The following EXOC6 variants were observed in gnomAD, a reference collection of about 807,000 sequenced individuals.
EXOC6 encodes the protein exocyst complex component 6.
In EXOC6, 60 loss-of-function variants were observed where a neutral mutation model predicts 112.5. That is an observed-to-expected ratio of 0.53 (90% CI 0.43 to 0.66). The LOEUF (loss-of-function observed/expected upper bound fraction) is 0.66. Ranked by LOEUF, EXOC6 falls within the 30% of genes least tolerant of loss-of-function variation. The pLI, the probability that EXOC6 is intolerant of heterozygous loss-of-function variation, is 0.00. For synonymous variants in EXOC6, 295 were observed against 308.0 expected (o/e 0.96, Z 0.44); for missense variants, 855 against 957.1 (o/e 0.89, Z 1.41).
chr10:93,010,635 G>A (rs1250913227), intron 19 of EXOC6, among the ~76,000 whole-genome samples: 2 of 149,750 alleles, frequency 1.3e-5, no homozygotes, highest in Middle Eastern at 3.2e-3. Flanking sequence ...GGAGAAGGAG[G>A]TTGTAGTGAG....
chr10:92,946,393 TA>T (rs947674428), intron 13 of EXOC6, among the ~76,000 whole-genome samples: 3,876 of 148,484 alleles, frequency 0.026, 156 homozygotes, highest in African/African-American at 0.09. Flanking sequence ...GACCCTGTCT[TA>T]AAAAAAAAAA....
chr10:92,910,099 A>G lies in EXOC6; in HGVS notation c.663+468A>G, dbSNP rs144290278. On this transcript the variant is annotated intron_variant, in intron 6 of 21. Coordinates refer to ENST00000260762, the MANE Select transcript of EXOC6 (RefSeq NM_019053.6). ...AAAAGCCTCAGCAGTTAGGAAGTCA[A>G]TATATCTACCTTTTGAGTCAGCAGT... Among the ~76,000 whole-genome samples, 494 of 152,364 alleles carry G rather than the reference A, an allele frequency of 3.2e-3. 7 individuals carry two copies. Among genetic ancestry groups the G allele is most frequent in the African/African-American group, 0.011 (466 of 41,588 alleles).
In EXOC6 at chr10:92,835,596, C is replaced by CTG. The variant is rs35929496; in HGVS notation, c.86+789_86+790dup. 7.7e-4 allele frequency among the ~76,000 whole-genome samples: 116 copies of CTG among 150,630 alleles called. 1 individual carries two copies. In the East Asian group the frequency reaches 0.011, roughly 14 times the overall value. On this transcript the variant is annotated intron_variant, in intron 1 of 21. Transcript: ENST00000371552. ...TGGAAGGATATGTGTGTGTGTGTATCTGTGTGTGTGTGTGTGTGACCTCTT... is the reference window on the plus strand; with the variant it reads ...TGGAAGGATATGTGTGTGTGTGTATCTGTGTGTGTGTGTGTGTGTGACCTCTT...
intron 1 of EXOC6, among the ~76,000 whole-genome samples, chr10:92,876,350 C>G (rs930420130): frequency 6.6e-6 from 1 of 152,022 alleles, no homozygotes; most frequent in African/African-American, 2.4e-5. Context: ...TTAATCTTAA[C>G]AAGAAGCAAA....
chr10:93,011,390 G>A (rs1194977993), intron 19 of EXOC6, among the ~76,000 whole-genome samples: 3 of 151,938 alleles, frequency 2.0e-5, no homozygotes, highest in Non-Finnish European at 2.9e-5. Flanking sequence ...CCCAGTAGGT[G>A]GAACTACTAC....
chr10:92,843,105 G>GA (rs1589679509), intron 1 of EXOC6, among the ~76,000 whole-genome samples: 1 of 152,064 alleles, frequency 6.6e-6, no homozygotes, highest in African/African-American at 2.4e-5. Context: ...CCGTATTTTA[G>GA]AAAAAAACTG....
At chr10:93,004,193 TG>T (rs1843879866) in intron 19 of EXOC6, among the ~76,000 whole-genome samples, 2 of 151,964 alleles carry the variant, frequency 1.3e-5, no homozygotes, top group African/African-American at 4.8e-5. Flanking sequence ...ATAAAAAGAG[TG>T]AATGAGTAAA....
At position 92,894,958 on chromosome 10, in the gene EXOC6, G is replaced by A. The variant is rs966664069; in HGVS notation, c.350G>A (p.Arg117Gln). ...EVIVHTEDII[R>Q]CRIQQRNITT... ...ATAGTCCACACAGAAGATATCATTC[G>A]ATGTAGAATTCAGCAGAGAAATATT... is the stretch of plus-strand genomic sequence containing the variant. The change falls in exon 4 of 22, where the codon CGA becomes CAA. Residue 117 changes from arginine (R) to glutamine (Q), a missense_variant. Arg to Gln is a conservative substitution (Grantham distance 43, BLOSUM62 1). Transcript: ENST00000260762. The A allele has an allele frequency of 1.2e-6, 2 of 1,612,402 alleles. No homozygotes were observed. The highest frequency in any genetic ancestry group is 1.1e-5 in the South Asian group (1 of 91,016).
intron 5 of EXOC6, among the ~76,000 whole-genome samples, chr10:92,904,269 G>A (rs1332173710): frequency 1.3e-5 from 2 of 152,072 alleles, no homozygotes; most frequent in African/African-American, 4.8e-5. Context: ...AAACATTTGT[G>A]TGCAGGTTTT....
intron 19 of EXOC6, among the ~76,000 whole-genome samples, chr10:93,012,457 T>C (rs1253184799): frequency 2.0e-5 from 3 of 152,182 alleles, no homozygotes; most frequent in Non-Finnish European, 4.4e-5. Context: ...ACCCAGAGAA[T>C]TACGATACAT....
intron 9 of EXOC6, among the ~76,000 whole-genome samples, chr10:92,930,019 CT>C (rs762204795): frequency 6.6e-6 from 1 of 152,136 alleles, no homozygotes; most frequent in African/African-American, 2.4e-5. Flanking sequence ...CTCTTAGAAA[CT>C]TTATAATTAA....
At chr10:93,036,856 A>T (rs969137487) in intron 20 of EXOC6, among the ~76,000 whole-genome samples, 22 of 152,186 alleles carry the variant, frequency 1.4e-4, no homozygotes, top group Admixed American at 2.6e-4. Context: ...TTACACAAGG[A>T]TTAAATCTTT....
At position 92,915,931 on chromosome 10, in the gene EXOC6, T is replaced by G; in HGVS notation, c.819+18T>G. 1 of 1,484,802 alleles carries G rather than the reference T, an allele frequency of 6.7e-7. No homozygotes were observed. Among genetic ancestry groups the G allele is most frequent in the South Asian group, 1.4e-5 (1 of 71,320 alleles). 92.0% of individuals were successfully genotyped at this position (1,484,802 alleles called of 1,614,324 possible). On this transcript the variant is annotated intron_variant, in intron 7 of 21. Coordinates refer to ENST00000260762, the MANE Select transcript of EXOC6 (RefSeq NM_019053.6). The stretch of plus-strand genomic sequence containing the variant: ...AAGAAGAGGTGATAGGTGTCTTTCT[T>G]TCTTTTCTATTATTAGATAATTTTT...
chr10:92,884,250 T>C (rs1849099622), intron 1 of EXOC6, among the ~76,000 whole-genome samples: 1 of 152,226 alleles, frequency 6.6e-6, no homozygotes, highest in Non-Finnish European at 1.5e-5. Context: ...CACCAAAAGG[T>C]GTCAGTTGAC....
intron 7 of EXOC6, among the ~76,000 whole-genome samples, chr10:92,918,181 C>T (rs1285510161): frequency 1.3e-5 from 2 of 152,120 alleles, no homozygotes; most frequent in African/African-American, 4.8e-5. Context: ...ACAGAATCTT[C>T]TATTGAACTT....
intron 1 of EXOC6, among the ~76,000 whole-genome samples, chr10:92,827,526 G>A (rs2133557111): frequency 7.2e-6 from 1 of 139,212 alleles, no homozygotes; most frequent in East Asian, 2.1e-4. Context: ...TGAGTATAAT[G>A]GAGAGGAAGT....
chr10:93,038,058 A>AT, intron 20 of EXOC6, among the ~76,000 whole-genome samples: 1 of 149,944 alleles, frequency 6.7e-6, no homozygotes, highest in East Asian at 1.9e-4. Flanking sequence ...AAAAAAAAAA[A>AT]AAAAAAAATT....
intron 5 of EXOC6, chr10:92,899,967 GA>G (rs1564813238): frequency 8.8e-6 from 2 of 226,038 alleles, no homozygotes; most frequent in Non-Finnish European, 1.7e-5. Context: ...ATTGTGGAAG[GA>G]AAAGAGTGTA....
chr10:92,974,719 C>A lies in EXOC6; in HGVS notation c.1953+487C>A, dbSNP rs906294936. On this transcript the variant is annotated intron_variant, in intron 18 of 21. Coordinates refer to ENST00000260762, the MANE Select transcript of EXOC6 (RefSeq NM_019053.6). ...TGCCTGCGATTGCAGGCGCACGCCA[C>A]CACGCCTGACTGGTTTTCGTATTTT... 5.9e-5 allele frequency among the ~76,000 whole-genome samples: 9 copies of A among 152,338 alleles called. No homozygotes were observed. In the South Asian group the frequency reaches 1.9e-3, roughly 32 times the overall value.
Sources: gnomAD v4.1 joint callset for allele counts (sites outside exome capture counted in the v4.1 genomes callset) on GRCh38, gnomAD v4.1.1 for gene constraint, MANE v1.5 for transcripts, NCBI Gene and HGNC (gene_info 2026-07-23, HGNC 2026-07-21) for gene names.